Variants in R3HCC1L observed in about 807,000 individuals in gnomAD.
R3HCC1L encodes the protein coiled-coil domain-containing protein R3HCC1L.
R3HCC1L carries 51 observed loss-of-function variants against 59.9 expected under a neutral mutation model. The observed-to-expected ratio is 0.85, with a 90% CI of 0.68 to 1.07. The LOEUF (loss-of-function observed/expected upper bound fraction) is 1.07. R3HCC1L is among the 50% of genes least tolerant of loss of function. The pLI is 0.00. For missense variants in R3HCC1L, 965 were observed against 933.0 expected, an observed-to-expected ratio of 1.03 and a Z score of -0.45; for synonymous variants, 322 against 315.2, an observed-to-expected ratio of 1.02 and a Z score of -0.23.
intron 4 of R3HCC1L, among the ~76,000 whole-genome samples, chr10:98,184,695 GT>G (rs1245068881): frequency 1.3e-5 from 2 of 152,172 alleles, no homozygotes; most frequent in African/African-American, 4.8e-5. Flanking sequence ...GACATTTTGT[GT>G]TGGATTTTTC....
intron 5 of R3HCC1L, among the ~76,000 whole-genome samples, chr10:98,212,857 T>C (rs550965762): frequency 5.5e-4 from 84 of 152,306 alleles, no homozygotes; most frequent in African/African-American, 1.9e-3. Context: ...GGGGTAAATA[T>C]TTAAGTAGTA....
chr10:98,181,237 ATC>A (rs1849592863), intron 4 of R3HCC1L, among the ~76,000 whole-genome samples: 1 of 152,064 alleles, frequency 6.6e-6, no homozygotes, highest in Non-Finnish European at 1.5e-5. Context: ...TGGTGACAAA[ATC>A]TCTCAGCATT....
chr10:98,142,490 T>C (rs1164256804), intron 1 of R3HCC1L, among the ~76,000 whole-genome samples: 1 of 151,798 alleles, frequency 6.6e-6, no homozygotes, highest in East Asian at 1.9e-4. Context: ...ATACAAAAAT[T>C]AGCTGGGCAT....
intron 4 of R3HCC1L, among the ~76,000 whole-genome samples, chr10:98,185,195 CA>C (rs1333302481): frequency 1.3e-5 from 2 of 151,980 alleles, no homozygotes; most frequent in Admixed American, 6.6e-5. Flanking sequence ...TTTTTTCCTC[CA>C]AATTTGTATT....
intron 1 of R3HCC1L, among the ~76,000 whole-genome samples, chr10:98,144,503 C>T (rs182213275): frequency 0.011 from 1,665 of 152,228 alleles, 39 homozygotes; most frequent in African/African-American, 0.037. Flanking sequence ...CGTGAGCCAC[C>T]GTGCCCAGCC....
intron 4 of R3HCC1L, among the ~76,000 whole-genome samples, chr10:98,189,391 C>CA (rs1306763746): frequency 6.6e-6 from 1 of 152,156 alleles, no homozygotes; most frequent in Non-Finnish European, 1.5e-5. Flanking sequence ...TTTGACTTCT[C>CA]ATTCTGCTTT....
chr10:98,205,451 T>C (rs1852527934), intron 4 of R3HCC1L, among the ~76,000 whole-genome samples: 1 of 152,240 alleles, frequency 6.6e-6, no homozygotes, highest in South Asian at 2.1e-4. Context: ...GTGTCATGCC[T>C]TTAGTTATTA....
chr10:98,144,480 C>T (rs1249080940), intron 1 of R3HCC1L, among the ~76,000 whole-genome samples: 1 of 152,152 alleles, frequency 6.6e-6, no homozygotes, highest in Non-Finnish European at 1.5e-5. Flanking sequence ...TCCCAAAGTG[C>T]TGGGATTATA....
At chr10:98,182,459 G>A (rs1008343320) in intron 4 of R3HCC1L, among the ~76,000 whole-genome samples, 16 of 152,274 alleles carry the variant, frequency 1.1e-4, no homozygotes, top group African/African-American at 3.6e-4. Flanking sequence ...GGCCCCTCCT[G>A]GGAGGTGTCT....
chr10:98,136,017 G>GTTT lies in R3HCC1L; in HGVS notation c.-268+1325_-268+1327dup, dbSNP rs780749151. ...ACAGAGAATGCTAATTCTGCAATCAGTTTTTTTTTTTTTTTTGGGTAGAAT... is the reference window on the plus strand; with the variant it reads ...ACAGAGAATGCTAATTCTGCAATCAGTTTTTTTTTTTTTTTTTTTGGGTAGAAT... On this transcript the variant is annotated intron_variant, in intron 1 of 9. Transcript: ENST00000298999. Among the ~76,000 whole-genome samples, 11 of 135,068 alleles carry GTTT rather than the reference G, an allele frequency of 8.1e-5. No individual in the cohort carries two copies. The South Asian group carries it at 9.6e-4, about 12-fold the overall frequency. The allele number at this position is 135,068 out of a possible 152,430, so 88.6% of individuals were successfully genotyped here.
chr10:98,233,403 TTGA>T (rs1184887609), intron 6 of R3HCC1L, among the ~76,000 whole-genome samples: 2 of 152,186 alleles, frequency 1.3e-5, no homozygotes, highest in Admixed American at 6.5e-5. Context: ...AATATTAATA[TTGA>T]TGAACATTGC....
Position 98,209,831 on chromosome 10 carries a change from A to AT in R3HCC1L, c.1719dup (p.Glu574Ter). 1 of 1,613,834 alleles carries AT rather than the reference A, an allele frequency of 6.2e-7. No homozygotes were observed. Among genetic ancestry groups the AT allele is most frequent in the Non-Finnish European group, 8.5e-7 (1 of 1,179,788 alleles). ...TTCTCACACAGAGGGAATTACTGCCATTGAGGAGAGCTGGGAGTCTATGTT... is the reference window on the plus strand; with the variant it reads ...TTCTCACACAGAGGGAATTACTGCCATTTGAGGAGAGCTGGGAGTCTATGTT... On this transcript the variant is annotated frameshift_variant, in exon 5 of 10. Transcript: ENST00000298999. LOFTEE classifies it high-confidence loss of function.
At chr10:98,178,277 A>C (rs1849250004) in intron 4 of R3HCC1L, among the ~76,000 whole-genome samples, 2 of 152,126 alleles carry the variant, frequency 1.3e-5, no homozygotes, top group African/African-American at 4.8e-5. Context: ...TCAGGTTTCT[A>C]CATATGGCTA....
chr10:98,169,461 C>T (rs756865485), intron 4 of R3HCC1L, among the ~76,000 whole-genome samples: 1 of 152,102 alleles, frequency 6.6e-6, no homozygotes. Flanking sequence ...TACCACAGTC[C>T]CTGTCATGTA....
intron 4 of R3HCC1L, among the ~76,000 whole-genome samples, chr10:98,177,049 A>G (rs890366473): frequency 1.3e-5 from 2 of 152,100 alleles, no homozygotes; most frequent in South Asian, 4.1e-4. Flanking sequence ...AATTTATTAT[A>G]CTTTAAGTTC....
intron 5 of R3HCC1L, among the ~76,000 whole-genome samples, chr10:98,216,288 T>C (rs1015313320): frequency 6.6e-6 from 1 of 151,966 alleles, no homozygotes; most frequent in Non-Finnish European, 1.5e-5. Flanking sequence ...CCGAGGCAGG[T>C]GGATCGCTTG....
At chr10:98,181,198 C>G (rs1405437534) in intron 4 of R3HCC1L, among the ~76,000 whole-genome samples, 2 of 152,138 alleles carry the variant, frequency 1.3e-5, no homozygotes, top group Non-Finnish European at 2.9e-5. Flanking sequence ...TTGGTGCTTC[C>G]TTTAGGAGCT....
intron 5 of R3HCC1L, among the ~76,000 whole-genome samples, chr10:98,227,836 G>A (rs1706073419): frequency 6.6e-6 from 1 of 151,658 alleles, no homozygotes; most frequent in Non-Finnish European, 1.5e-5. Context: ...GTGATGTTTG[G>A]TTTTTTGTCC....
chr10:98,163,417 G>A lies in R3HCC1L; in HGVS notation c.-15+20G>A. 1 of 1,271,520 alleles carries A rather than the reference G, an allele frequency of 7.9e-7. No individual in the cohort carries two copies. 78.8% of individuals were successfully genotyped at this position (1,271,520 alleles called of 1,614,324 possible). ...TACATGGTAAGTTGCCTTTACTTAT[G>A]CATATTTTATAGAAATACTGTCTGT... On this transcript the variant is annotated intron_variant, in intron 4 of 9. Coordinates refer to ENST00000298999, the MANE Select transcript of R3HCC1L (RefSeq NM_001351015.2).
Sources: allele counts gnomAD v4.1 joint callset (sites outside exome capture counted in the v4.1 genomes callset), GRCh38; gene constraint gnomAD v4.1.1; transcripts MANE v1.5; gene names NCBI Gene and HGNC (gene_info 2026-07-23, HGNC 2026-07-21).